The following CCSER1 variants were observed in gnomAD, a reference collection of about 807,000 sequenced individuals.
CCSER1 encodes the protein serine-rich coiled-coil domain-containing protein 1.
CCSER1 carries 41 observed loss-of-function variants against 82.0 expected under a neutral mutation model. The observed-to-expected ratio is 0.50, with a 90% CI of 0.39 to 0.65. CCSER1 has a LOEUF of 0.65. Among genes scored for constraint, CCSER1 ranks in the 30% least tolerant of loss-of-function variants. The probability of loss-of-function intolerance (pLI) is 0.00; values close to 1 mark genes in which losing one functional copy is unlikely to be tolerated. For missense variants in CCSER1, 1,119 were observed against 1,064.2 expected (o/e 1.05, Z -0.72); for synonymous variants, 414 against 383.9 (o/e 1.08, Z -0.92).
intron 5 of CCSER1, among the ~76,000 whole-genome samples, chr4:90,527,871 G>A (rs1773985950): frequency 6.6e-6 from 1 of 151,964 alleles, no homozygotes. Context: ...AGTTTTTAAA[G>A]CTTTACCTAA....
intron 6 of CCSER1, among the ~76,000 whole-genome samples, chr4:90,689,508 T>C (rs1296810038): frequency 6.6e-6 from 1 of 152,168 alleles, no homozygotes; most frequent in Non-Finnish European, 1.5e-5. Flanking sequence ...TTAATGTAAA[T>C]ATTATTCACT....
chr4:90,296,018 T>A (rs1346338220), intron 1 of CCSER1, among the ~76,000 whole-genome samples: 1 of 152,042 alleles, frequency 6.6e-6, no homozygotes, highest in Admixed American at 6.6e-5. Flanking sequence ...AAAAAACAAC[T>A]GCTCTTTACT....
chr4:91,347,441 T>C (rs73835156), intron 10 of CCSER1, among the ~76,000 whole-genome samples: 5,329 of 152,124 alleles, frequency 0.035, 290 homozygotes, highest in African/African-American at 0.12. Flanking sequence ...TTAAATATTA[T>C]GAGTCTTTTG....
chr4:90,400,490 C>G (rs559186969), intron 4 of CCSER1, among the ~76,000 whole-genome samples: 1 of 152,036 alleles, frequency 6.6e-6, no homozygotes, highest in South Asian at 2.1e-4. Flanking sequence ...TTTTATATAA[C>G]CAAATGGAAG....
intron 1 of CCSER1, among the ~76,000 whole-genome samples, chr4:90,177,755 A>G (rs1732974195): frequency 6.6e-6 from 1 of 152,094 alleles, no homozygotes; most frequent in South Asian, 2.1e-4. Context: ...CGTGTATACA[A>G]AATGCCTAAA....
chr4:91,372,720 A>G (rs774164543), intron 10 of CCSER1, among the ~76,000 whole-genome samples: 71 of 152,274 alleles, frequency 4.7e-4, no homozygotes, highest in Non-Finnish European at 8.7e-4. Context: ...AAACTGATGG[A>G]ATATAATAAT....
intron 5 of CCSER1, among the ~76,000 whole-genome samples, chr4:90,507,095 GTGGTTT>G (rs1485899801): frequency 3.3e-5 from 5 of 152,146 alleles, no homozygotes; most frequent in African/African-American, 1.2e-4. Context: ...ATAAAGGAAT[GTGGTTT>G]TGTACACAGA....
At chr4:91,486,812 C>T (rs1401859715) in intron 10 of CCSER1, among the ~76,000 whole-genome samples, 1 of 151,900 alleles carries the variant, frequency 6.6e-6, no homozygotes, top group Non-Finnish European at 1.5e-5. Flanking sequence ...GAACCAGTTG[C>T]CCTGGGATCC....
At chr4:91,414,824 A>G (rs958579993) in intron 10 of CCSER1, among the ~76,000 whole-genome samples, 1 of 152,198 alleles carries the variant, frequency 6.6e-6, no homozygotes, top group Non-Finnish European at 1.5e-5. Flanking sequence ...AAAGAAGGTC[A>G]TTATATAAAA....
rs184752776 is a variant in CCSER1, at chr4:91,116,477, A to G, written c.2217+30483A>G. Reference sequence around the variant, plus strand: ...GTAATTTACTAGCTCTTGTAATAACAACAGCAAAGAATTAGAAACAGTAAT... The same window carrying G: ...GTAATTTACTAGCTCTTGTAATAACGACAGCAAAGAATTAGAAACAGTAAT... On this transcript the variant is annotated intron_variant, in intron 10 of 10. Transcript: ENST00000509176. Among the ~76,000 whole-genome samples, 4 of 152,342 alleles carry G rather than the reference A, an allele frequency of 2.6e-5. No homozygotes were observed. The East Asian group carries it at 7.7e-4, about 29-fold the overall frequency.
intron 6 of CCSER1, among the ~76,000 whole-genome samples, chr4:90,655,603 CT>C (rs1276200928): frequency 6.6e-6 from 1 of 151,942 alleles, no homozygotes; most frequent in Non-Finnish European, 1.5e-5. Flanking sequence ...TGAGTAAGAT[CT>C]TTTTGATACA....
intron 8 of CCSER1, chr4:90,918,419 G>A (rs1727840953): frequency 2.8e-6 from 1 of 363,482 alleles, no homozygotes; most frequent in South Asian, 2.2e-5. Context: ...ACTGAAAGCT[G>A]GAGTAAAAGA....
At chr4:90,762,213 A>G (rs189953341) in intron 7 of CCSER1, among the ~76,000 whole-genome samples, 1 of 152,096 alleles carries the variant, frequency 6.6e-6, no homozygotes, top group Non-Finnish European at 1.5e-5. Context: ...GTGAGTTCTC[A>G]TGAGACTGAT....
At chr4:91,288,474 G>C (rs1014245133) in intron 10 of CCSER1, among the ~76,000 whole-genome samples, 2 of 152,008 alleles carry the variant, frequency 1.3e-5, no homozygotes, top group South Asian at 4.1e-4. Context: ...AATGAGTCAA[G>C]TGTGAGATAG....
chr4:91,028,436 A>G (rs1265211134), intron 9 of CCSER1, among the ~76,000 whole-genome samples: 1 of 151,974 alleles, frequency 6.6e-6, no homozygotes, highest in Non-Finnish European at 1.5e-5. Context: ...ATGTTTTACT[A>G]CTGGTGCAAA....
intron 10 of CCSER1, among the ~76,000 whole-genome samples, chr4:91,303,803 A>G (rs2149243268): frequency 6.6e-6 from 1 of 152,072 alleles, no homozygotes; most frequent in East Asian, 1.9e-4. Context: ...TCCAAAAACA[A>G]ACAAACAACA....
At chr4:91,494,283 TG>T (rs1279655666) in intron 10 of CCSER1, among the ~76,000 whole-genome samples, 1 of 151,860 alleles carries the variant, frequency 6.6e-6, no homozygotes, top group Non-Finnish European at 1.5e-5. Flanking sequence ...CTACTAGCAG[TG>T]GGCAACCCAG....
intron 10 of CCSER1, among the ~76,000 whole-genome samples, chr4:91,306,889 C>T (rs919094228): frequency 6.6e-6 from 1 of 151,864 alleles, no homozygotes; most frequent in Non-Finnish European, 1.5e-5. Flanking sequence ...CTGCTGCACT[C>T]TGAGGAAGGT....
intron 1 of CCSER1, among the ~76,000 whole-genome samples, chr4:90,300,532 A>G (rs1048101969): frequency 4.6e-5 from 7 of 152,160 alleles, no homozygotes; most frequent in Admixed American, 1.3e-4. Context: ...GTGTGCGTAA[A>G]AAGTAATTAA....
Sources: gnomAD v4.1 joint callset for allele counts (sites outside exome capture counted in the v4.1 genomes callset) on GRCh38, gnomAD v4.1.1 for gene constraint, MANE v1.5 for transcripts, NCBI Gene and HGNC (gene_info 2026-07-23, HGNC 2026-07-21) for gene names.